Variants in MTBP observed in about 807,000 individuals in gnomAD.
MTBP encodes MDM2 binding protein, also known as mdm2-binding protein.
In MTBP, 101 loss-of-function variants were observed where a neutral mutation model predicts 117.0. That is an observed-to-expected ratio of 0.86 (90% CI 0.73 to 1.02). MTBP has a LOEUF of 1.02. Ranked by LOEUF, MTBP falls within the 50% of genes least tolerant of loss-of-function variation. The probability of loss-of-function intolerance (pLI) is 0.00; values close to 1 mark genes in which losing one functional copy is unlikely to be tolerated. For synonymous variants in MTBP, 350 were observed against 351.5 expected (o/e 1.00, Z 0.05); for missense variants, 970 against 1,030.9 (o/e 0.94, Z 0.81).
At chr8:120,455,642 ATTCTC>A in intron 6 of MTBP, 63 bp downstream of exon 6, 1 of 1,484,434 alleles carries the variant, frequency 6.7e-7, no homozygotes, top group Non-Finnish European at 9.2e-7. Flanking sequence ...TTAACATACT[ATTCTC>A]TTTTCAGACT....
At chr8:120,504,298 A>G (rs1327343544) in intron 15 of MTBP, among the ~76,000 whole-genome samples, 1 of 152,132 alleles carries the variant, frequency 6.6e-6, no homozygotes, top group Non-Finnish European at 1.5e-5. Context: ...ACTGGGAAAG[A>G]TGAGTAATTA....
intron 5 of MTBP, among the ~76,000 whole-genome samples, chr8:120,454,442 G>A (rs188742889): frequency 6.6e-6 from 1 of 151,844 alleles, no homozygotes; most frequent in Admixed American, 6.6e-5. Context: ...CCTAAAACTG[G>A]TTTTTTTCTT....
intron 7 of MTBP, among the ~76,000 whole-genome samples, chr8:120,457,163 T>C (rs944082117): frequency 2.0e-5 from 3 of 152,164 alleles, no homozygotes; most frequent in Non-Finnish European, 4.4e-5. Flanking sequence ...TTTTTAACCT[T>C]ACTGGACCCC....
intron 9 of MTBP, 41 bp from the exon 10 acceptor site, chr8:120,463,651 C>G (rs1055448479): frequency 1.4e-6 from 2 of 1,460,442 alleles, no homozygotes; most frequent in Non-Finnish European, 1.9e-6. Flanking sequence ...TACATTGTTT[C>G]ATGGGTACCA....
chr8:120,492,963 A>G (rs921554643), intron 13 of MTBP, among the ~76,000 whole-genome samples: 1 of 152,180 alleles, frequency 6.6e-6, no homozygotes, highest in African/African-American at 2.4e-5. Context: ...AAGAATGCTG[A>G]ACAATTTTTA....
intron 15 of MTBP, among the ~76,000 whole-genome samples, 179 bp downstream of exon 15, chr8:120,502,788 G>C (rs1814612543): frequency 1.3e-5 from 2 of 152,112 alleles, no homozygotes; most frequent in African/African-American, 4.8e-5. Flanking sequence ...AAAGGGAAGG[G>C]CTCATCTTGC....
At chr8:120,451,386 A>G in intron 4 of MTBP, 64 bp downstream of exon 4, 3 of 1,342,920 alleles carry the variant, frequency 2.2e-6, no homozygotes, top group Non-Finnish European at 3.1e-6. Context: ...ATTTTAATCC[A>G]TGAGAATGAA....
intron 11 of MTBP, among the ~76,000 whole-genome samples, chr8:120,487,782 C>A (rs1268524660): frequency 6.6e-6 from 1 of 152,202 alleles, no homozygotes; most frequent in Non-Finnish European, 1.5e-5. Flanking sequence ...CCAAGTATAG[C>A]TGTATCCTTC....
In MTBP at chr8:120,451,460, T is replaced by A. The variant is rs2130508794; in HGVS notation, c.425+138T>A. On this transcript the variant is annotated intron_variant, in intron 4 of 21. Transcript: ENST00000305949. ...TTAATTGAAATTTTTGACTCTCAAT[T>A]TGGGCCTTTTATTTGAATAAAATTC... The A allele has an allele frequency of 9.3e-6, 6 of 643,214 alleles. No homozygotes were observed. The South Asian group carries it at 1.0e-4, about 11-fold the overall frequency. The allele number at this position is 643,214 out of a possible 1,614,324, so 39.8% of individuals were successfully genotyped here.
intron 11 of MTBP, among the ~76,000 whole-genome samples, chr8:120,477,132 A>C (rs528280094): frequency 4.0e-4 from 61 of 152,300 alleles, no homozygotes; most frequent in African/African-American, 1.3e-3. Context: ...GACAAACCTG[A>C]CAGAAACAAA....
At chr8:120,446,877 A>G (rs1813238131) in intron 2 of MTBP, among the ~76,000 whole-genome samples, 2 of 152,052 alleles carry the variant, frequency 1.3e-5, no homozygotes, top group South Asian at 2.1e-4. Flanking sequence ...TTATTTATTT[A>G]TTTATTTCTG....
chr8:120,476,141 A>C (rs1375125389), intron 11 of MTBP, among the ~76,000 whole-genome samples: 2 of 152,052 alleles, frequency 1.3e-5, no homozygotes, highest in Non-Finnish European at 2.9e-5. Flanking sequence ...TTGTCACATC[A>C]TGTATACTTT....
intron 21 of MTBP, among the ~76,000 whole-genome samples, chr8:120,522,942 G>A (rs990751048): frequency 1.3e-5 from 2 of 152,022 alleles, no homozygotes; most frequent in South Asian, 4.1e-4. Flanking sequence ...GTGACACTAA[G>A]AAAGCAAAAG....
intron 13 of MTBP, among the ~76,000 whole-genome samples, chr8:120,495,817 T>G (rs917120756): frequency 4.6e-4 from 70 of 152,282 alleles, no homozygotes; most frequent in African/African-American, 1.6e-3. Flanking sequence ...ATCTTCTCAT[T>G]TGTCTATGAG....
chr8:120,464,510 T>C (rs1813646349), intron 10 of MTBP, among the ~76,000 whole-genome samples: 1 of 151,646 alleles, frequency 6.6e-6, no homozygotes, highest in Non-Finnish European at 1.5e-5. Flanking sequence ...CAAATAGTCC[T>C]GCAGGGAGAA....
At chr8:120,446,590 G>T in intron 2 of MTBP, 77 bp downstream of exon 2, 1 of 895,600 alleles carries the variant, frequency 1.1e-6, no homozygotes. Context: ...GGACCCTAAG[G>T]AGTACAAGGA....
chr8:120,502,427 AT>A (rs2130602091), intron 14 of MTBP, 64 bp from the exon 15 acceptor site: 2 of 1,159,048 alleles, frequency 1.7e-6, no homozygotes. Context: ...GTAAATACAC[AT>A]TTTTATTAGC....
intron 12 of MTBP, among the ~76,000 whole-genome samples, chr8:120,488,810 T>G (rs1381470549): frequency 6.6e-6 from 1 of 152,062 alleles, no homozygotes; most frequent in East Asian, 1.9e-4. Flanking sequence ...ATGAGCTCAG[T>G]TGGATGTTTC....
chr8:120,446,463 TGAAAAGA>T lies in MTBP; in HGVS notation c.150_156del (p.Lys51AlafsTer114). 6.2e-7 allele frequency: 1 copy of T among 1,610,382 alleles called. No homozygotes were observed. Among genetic ancestry groups the T allele is most frequent in the Non-Finnish European group, 8.5e-7 (1 of 1,176,840 alleles). ...ACAGCAGCAAATGTTTATCACCTCT[TGAAAAGA>T]AGCATTAGTGCTTCAATTAATCCAG... On this transcript the variant is annotated frameshift_variant, in exon 2 of 22. Coordinates refer to ENST00000305949, the MANE Select transcript of MTBP (RefSeq NM_022045.5). LOFTEE classifies it high-confidence loss of function.
Sources: gnomAD v4.1 joint callset for allele counts (sites outside exome capture counted in the v4.1 genomes callset) on GRCh38, gnomAD v4.1.1 for gene constraint, MANE v1.5 for transcripts, NCBI Gene and HGNC (gene_info 2026-07-23, HGNC 2026-07-21) for gene names.